The following NUP160 variants were observed in gnomAD, a reference collection of about 807,000 sequenced individuals.
NUP160 encodes nucleoporin 160.
A neutral mutation model predicts 196.9 loss-of-function variants in NUP160; 94 were observed. The observed-to-expected ratio is 0.48, with a 90% CI of 0.40 to 0.57. NUP160 has a LOEUF of 0.57. NUP160 is among the 20% of genes least tolerant of loss of function. The probability of loss-of-function intolerance (pLI) is 0.00; values close to 1 mark genes in which losing one functional copy is unlikely to be tolerated. For synonymous variants in NUP160, 605 were observed against 619.7 expected, an observed-to-expected ratio of 0.98 and a Z score of 0.35; for missense variants, 1,638 against 1,748.3, an observed-to-expected ratio of 0.94 and a Z score of 1.13.
At chr11:47,795,151 C>T (rs923981201) in intron 27 of NUP160, among the ~76,000 whole-genome samples, 3 of 152,058 alleles carry the variant, frequency 2.0e-5, no homozygotes, top group African/African-American at 7.2e-5. Context: ...TGCACATATT[C>T]AATAAGATTC....
At chr11:47,809,256 CAAA>C (rs35748617) in intron 17 of NUP160, among the ~76,000 whole-genome samples, 2 of 94,772 alleles carry the variant, frequency 2.1e-5, no homozygotes, top group Admixed American at 1.4e-4. Flanking sequence ...GAACTTGTCT[CAAA>C]AAAAAAAAAA....
At chr11:47,817,921 A>G in intron 11 of NUP160, 135 bp downstream of exon 11, 2 of 550,592 alleles carry the variant, frequency 3.6e-6, no homozygotes, top group Non-Finnish European at 6.5e-6. Flanking sequence ...AAATTATAAA[A>G]GTATTTACAA....
At chr11:47,843,616 T>C (rs756590953) in intron 2 of NUP160, among the ~76,000 whole-genome samples, 2 of 152,220 alleles carry the variant, frequency 1.3e-5, no homozygotes, top group Non-Finnish European at 2.9e-5. Flanking sequence ...TTGTTGGTTA[T>C]TGTAACTAGG....
chr11:47,787,394 T>G (rs1267878048), intron 31 of NUP160, among the ~76,000 whole-genome samples: 1 of 150,908 alleles, frequency 6.6e-6, no homozygotes, highest in African/African-American at 2.4e-5. Flanking sequence ...GGCTGAAAAA[T>G]TCTGAAAGTT....
intron 11 of NUP160, among the ~76,000 whole-genome samples, chr11:47,817,198 G>A (rs1354292154): frequency 6.6e-6 from 1 of 151,578 alleles, no homozygotes; most frequent in Non-Finnish European, 1.5e-5. Context: ...TGCCCAGGCT[G>A]CTCTCAAACT....
At chr11:47,822,014 T>C (rs1851867823) in intron 8 of NUP160, 73 bp downstream of exon 8, 1 of 1,096,360 alleles carries the variant, frequency 9.1e-7, no homozygotes, top group African/African-American at 1.6e-5. Flanking sequence ...ACAATCCCAT[T>C]ATACCATAAC....
rs1565189691 is a variant in NUP160 at position 47,793,720 on chromosome 11, C to CTGTTTTGTTTTTT, written c.3290-775_3290-774insAAAAAACAAAACA. Among the ~76,000 whole-genome samples, 7 of 50,940 alleles carry CTGTTTTGTTTTTT rather than the reference C, an allele frequency of 1.4e-4. 1 individual carries two copies. The highest frequency in any genetic ancestry group is 1.4e-4 in the Non-Finnish European group (4 of 29,264). 33.4% of individuals were successfully genotyped at this position (50,940 alleles called of 152,430 possible). A position where few individuals can be genotyped will look rare whatever the true frequency, so the allele number is the denominator to read the frequency against. On this transcript the variant is annotated intron_variant, in intron 27 of 35. Coordinates refer to ENST00000378460, the Ensembl canonical transcript of NUP160. ...AATCATTTAATTATCTGTAAGATAT[C>CTGTTTTGTTTTTT]TGTTTTTTTTTTTTTTTTTTTTTTT...
At chr11:47,813,814 G>A (rs987494823) in intron 13 of NUP160, among the ~76,000 whole-genome samples, 1 of 152,086 alleles carries the variant, frequency 6.6e-6, no homozygotes, top group East Asian at 1.9e-4. Flanking sequence ...GCTCACGCCT[G>A]TAATCCCAGC....
chr11:47,787,224 A>T (rs1452500208), intron 31 of NUP160: 1 of 151,484 alleles, frequency 6.6e-6, no homozygotes, highest in Non-Finnish European at 1.5e-5. Flanking sequence ...AGTAGCTGGG[A>T]TTACAGGCAC....
At position 47,801,944 on chromosome 11, in the gene NUP160, A is replaced by T. The variant is rs1373437422; in HGVS notation, c.2776-14T>A. 1 of 1,613,230 alleles carries T rather than the reference A, an allele frequency of 6.2e-7. No individual in the cohort carries two copies. The highest frequency in any genetic ancestry group is 8.5e-7 in the Non-Finnish European group (1 of 1,179,478). On this transcript the variant is annotated splice_polypyrimidine_tract_variant and intron_variant, in intron 22 of 35. Transcript: ENST00000378460. The stretch of plus-strand genomic sequence containing the variant: ...ACATTCCAGAGCCTGGAGAAATAAA[A>T]TATAAAATGACTTGTAACAGATCAT...
chr11:47,803,407 A>G (rs1175705725), intron 22 of NUP160, 31 bp downstream of exon 22: 2 of 1,334,410 alleles, frequency 1.5e-6, no homozygotes, highest in South Asian at 1.2e-5. Context: ...TAAAGTTTAT[A>G]AAGTTTATTT....
chr11:47,843,501 G>A (rs1160609762), intron 2 of NUP160, among the ~76,000 whole-genome samples: 1 of 152,166 alleles, frequency 6.6e-6, no homozygotes, highest in East Asian at 1.9e-4. Flanking sequence ...TTTTCTAAAT[G>A]TTGGTGTGCC....
chr11:47,801,526 T>A (rs900569689), intron 23 of NUP160, among the ~76,000 whole-genome samples: 5 of 152,072 alleles, frequency 3.3e-5, no homozygotes, highest in African/African-American at 1.2e-4. Context: ...ATTTTTGTAT[T>A]TTTAGTAGAG....
intron 2 of NUP160, among the ~76,000 whole-genome samples, chr11:47,847,196 G>A (rs1328709621): frequency 6.6e-6 from 1 of 152,082 alleles, no homozygotes; most frequent in Non-Finnish European, 1.5e-5. Context: ...CTTTGCATAT[G>A]GTGATCCTAC....
chr11:47,848,427 A>G (rs1852451865), exon 1 of NUP160: 1 of 1,546,634 alleles, frequency 6.5e-7, no homozygotes, highest in East Asian at 2.4e-5. Flanking sequence ...GCATTCCGGG[A>G]GCAGAAAGGC....
chr11:47,837,646 T>G, intron 4 of NUP160, 23 bp from the exon 5 acceptor site: 1 of 1,593,710 alleles, frequency 6.3e-7, no homozygotes, highest in South Asian at 1.1e-5. Context: ...CCAAGGCACC[T>G]CTTGAACACA....
chr11:47,803,387 T>C (rs1023081840), intron 22 of NUP160, 51 bp downstream of exon 22: 4 of 1,119,868 alleles, frequency 3.6e-6, no homozygotes, highest in Non-Finnish European at 5.5e-6. Context: ...GCTAAGCAAC[T>C]TCCTTGCGTT....
In NUP160 at chr11:47,798,267, A is replaced by T. The variant is rs1019672471; in HGVS notation, c.2992-5T>A. 1.3e-6 allele frequency: 2 copies of T among 1,594,804 alleles called. No homozygotes were observed. The highest frequency in any genetic ancestry group is 2.7e-5 in the African/African-American group (2 of 74,330). On this transcript the variant is annotated splice_polypyrimidine_tract_variant and splice_region_variant and intron_variant, in intron 24 of 35. Coordinates refer to ENST00000378460, the Ensembl canonical transcript of NUP160. The stretch of plus-strand genomic sequence containing the variant: ...AATACATGTCCTTAGAGTAGCCTAA[A>T]TATCAAATGTAGATCAAATATCAAA...
At chr11:47,804,090 A>T (rs1449171666) in intron 21 of NUP160, among the ~76,000 whole-genome samples, 1 of 151,866 alleles carries the variant, frequency 6.6e-6, no homozygotes, top group South Asian at 2.1e-4. Context: ...CTGAGACAGG[A>T]GAATTGCTTG....
Sources: allele counts gnomAD v4.1 joint callset (sites outside exome capture counted in the v4.1 genomes callset), GRCh38; gene constraint gnomAD v4.1.1; transcripts MANE v1.5; gene names NCBI Gene and HGNC (gene_info 2026-07-23, HGNC 2026-07-21).